The following TBC1D1 variants were observed in gnomAD, a reference collection of about 807,000 sequenced individuals.
TBC1D1 encodes the protein TBC1 (tre-2/USP6, BUB2, cdc16) domain family, member 1.
Under a neutral mutation model 125.6 loss-of-function variants are expected in TBC1D1, and 89 were observed. The observed-to-expected ratio is 0.71, with a 90% CI of 0.60 to 0.85. The LOEUF (loss-of-function observed/expected upper bound fraction) is 0.85, where lower values mean the gene tolerates loss of function less well. Ranked by LOEUF, TBC1D1 falls within the 40% of genes least tolerant of loss-of-function variation. The pLI, the probability that TBC1D1 is intolerant of heterozygous loss-of-function variation, is 0.00. For missense variants in TBC1D1, 1,377 were observed against 1,469.2 expected (o/e 0.94, Z 1.03); for synonymous variants, 565 against 564.1 (o/e 1.00, Z -0.02).
At chr4:38,067,430 A>T (rs186379757) in intron 12 of TBC1D1, among the ~76,000 whole-genome samples, 19 of 152,338 alleles carry the variant, frequency 1.2e-4, no homozygotes, top group African/African-American at 4.6e-4. Context: ...TTGCAGCAGC[A>T]TCTTCCTCAA....
chr4:38,075,951 T>G lies in TBC1D1; in HGVS notation c.2051-13981T>G, dbSNP rs184694839. Reference sequence around the variant, plus strand: ...TCATTCTACTAAATGTCTAACCAGCTCTTCTCTGTAAATTACAGAGCTGTG... The same window carrying G: ...TCATTCTACTAAATGTCTAACCAGCGCTTCTCTGTAAATTACAGAGCTGTG... On this transcript the variant is annotated intron_variant, in intron 12 of 19. Transcript: ENST00000261439. Among the ~76,000 whole-genome samples the G allele has an allele frequency of 9.2e-5, 14 of 152,310 alleles. No homozygotes were observed. The East Asian group carries it at 2.7e-3, about 29-fold the overall frequency.
At chr4:37,900,145 AG>A (rs1479514185) in intron 1 of TBC1D1, among the ~76,000 whole-genome samples, 3 of 150,706 alleles carry the variant, frequency 2.0e-5, no homozygotes, top group Non-Finnish European at 1.5e-5. Flanking sequence ...AAAAAAAAAA[AG>A]TAAGGAAGGT....
At chr4:38,035,121 AGGG>A (rs1398266270) in intron 7 of TBC1D1, among the ~76,000 whole-genome samples, 6 of 152,348 alleles carry the variant, frequency 3.9e-5, no homozygotes, top group Admixed American at 3.9e-4. Flanking sequence ...TTTGTATGGA[AGGG>A]GGTGCCCCAT....
At position 38,118,157 on chromosome 4, in the gene TBC1D1, C is replaced by T; in HGVS notation, c.2927C>T (p.Ser976Leu). The T allele has an allele frequency of 6.2e-7, 1 of 1,614,238 alleles. No individual in the cohort carries two copies. The highest frequency in any genetic ancestry group is 1.1e-5 in the South Asian group (1 of 91,078). ...CCCTGGTTCCTCACCATGTTTGCCT[C>T]ACAGTTCCCGCTGGGATTCGTAGCC... is the stretch of plus-strand genomic sequence containing the variant. Residue 976 changes from serine (S) to leucine (L), a missense_variant, in exon 17 of 20, where the codon TCA becomes TTA. Around this residue, in one of 3 missense-constraint regions of TBC1D1, gnomAD observed 543 missense variants for 613.5 expected, o/e 0.89. Coordinates refer to ENST00000261439, the MANE Select transcript of TBC1D1 (RefSeq NM_015173.4).
chr4:37,937,620 T>G lies in TBC1D1; in HGVS notation c.417+35108T>G, dbSNP rs1724660035. Among the ~76,000 whole-genome samples the G allele has an allele frequency of 2.0e-5, 3 of 152,168 alleles. No homozygotes were observed. In the South Asian group the frequency reaches 6.2e-4, roughly 32 times the overall value. On this transcript the variant is annotated intron_variant, in intron 2 of 19. Coordinates refer to ENST00000261439, the MANE Select transcript of TBC1D1 (RefSeq NM_015173.4). ...TGTGCAGTTTATGAAACAATAAGAA[T>G]TGTTTCATCAAGAAACAATAATTAC... is the stretch of plus-strand genomic sequence containing the variant.
intron 13 of TBC1D1, among the ~76,000 whole-genome samples, chr4:38,094,663 C>T (rs1560777750): frequency 6.6e-6 from 1 of 152,104 alleles, no homozygotes; most frequent in South Asian, 2.1e-4. Flanking sequence ...GAAGTTGTGT[C>T]GACTACAGAG....
At chr4:37,935,441 C>A (rs1178416975) in intron 2 of TBC1D1, among the ~76,000 whole-genome samples, 1 of 152,196 alleles carries the variant, frequency 6.6e-6, no homozygotes, top group East Asian at 1.9e-4. Flanking sequence ...TCGTCTTTGA[C>A]TTTTTGCTCT....
chr4:38,077,091 C>T (rs903635844), intron 12 of TBC1D1, among the ~76,000 whole-genome samples: 1 of 152,156 alleles, frequency 6.6e-6, no homozygotes, highest in South Asian at 2.1e-4. Flanking sequence ...CCTTTGTCAT[C>T]ACATCATCAG....
intron 2 of TBC1D1, among the ~76,000 whole-genome samples, chr4:37,909,582 A>C (rs1182377282): frequency 2.0e-5 from 3 of 152,142 alleles, no homozygotes; most frequent in Non-Finnish European, 2.9e-5. Context: ...ACAGAGCTAG[A>C]GCATTTTGTT....
At position 38,027,826 on chromosome 4, in the gene TBC1D1, C is replaced by T; in HGVS notation, c.1249C>T (p.His417Tyr). The T allele has an allele frequency of 6.2e-7, 1 of 1,613,540 alleles. No individual in the cohort carries two copies. Among genetic ancestry groups the T allele is most frequent in the Non-Finnish European group, 8.5e-7 (1 of 1,179,790 alleles). The change falls in exon 7 of 20, where the codon CAC becomes TAC. Residue 417 changes from histidine to tyrosine, a missense_variant. His to Tyr is a moderately conservative substitution (Grantham distance 83). Coordinates refer to ENST00000261439, the MANE Select transcript of TBC1D1 (RefSeq NM_015173.4). ...CAAAACAAAACTAGAACTGCAAAAG[C>T]ACCTGACGACATTAACCAATCAGGA...
intron 2 of TBC1D1, among the ~76,000 whole-genome samples, chr4:37,938,070 A>C (rs1449602169): frequency 6.6e-6 from 1 of 152,114 alleles, no homozygotes; most frequent in East Asian, 1.9e-4. Flanking sequence ...TCTTGTAGAG[A>C]GTTCTGCTCT....
chr4:37,930,682 C>T (rs1315824830), intron 2 of TBC1D1, among the ~76,000 whole-genome samples: 1 of 152,158 alleles, frequency 6.6e-6, no homozygotes, highest in Non-Finnish European at 1.5e-5. Flanking sequence ...CCTTGAAATG[C>T]TGTGTTCTGT....
chr4:37,939,934 T>C (rs532636091), intron 2 of TBC1D1, among the ~76,000 whole-genome samples: 181 of 152,364 alleles, frequency 1.2e-3, no homozygotes, highest in Non-Finnish European at 2.3e-3. Context: ...AGCCTTGTAG[T>C]ACAGTTTGAA....
chr4:37,928,115 A>G (rs1414729098), intron 2 of TBC1D1, among the ~76,000 whole-genome samples: 6 of 152,192 alleles, frequency 3.9e-5, no homozygotes, highest in Non-Finnish European at 7.3e-5. Flanking sequence ...TAGTATCACT[A>G]TCTTGGGTTT....
At position 38,136,258 on chromosome 4, in the gene TBC1D1, T is replaced by C. The variant is rs1766592140; in HGVS notation, c.3307-877T>C. On this transcript the variant is annotated intron_variant, in intron 19 of 19. Coordinates refer to ENST00000261439, the MANE Select transcript of TBC1D1 (RefSeq NM_015173.4). ...CCTGGAAGTTCTATTTAACTAGCAT[T>C]AATTATGTGCTAGGTGCTGAGGATG... Among the ~76,000 whole-genome samples the C allele has an allele frequency of 2.0e-5, 3 of 152,186 alleles. No homozygotes were observed. In the South Asian group the frequency reaches 6.2e-4, roughly 31 times the overall value.
At chr4:38,080,523 C>T (rs149585673) in intron 12 of TBC1D1, among the ~76,000 whole-genome samples, 7 of 152,332 alleles carry the variant, frequency 4.6e-5, no homozygotes, top group African/African-American at 9.6e-5. Context: ...CGCTGGGCCC[C>T]GTGGGGAACT....
At chr4:38,106,795 G>A (rs1455053043) in intron 15 of TBC1D1, among the ~76,000 whole-genome samples, 2 of 152,174 alleles carry the variant, frequency 1.3e-5, no homozygotes, top group East Asian at 3.9e-4. Flanking sequence ...TCAGAACAAG[G>A]GCCTCGGCGT....
intron 14 of TBC1D1, among the ~76,000 whole-genome samples, chr4:38,102,360 T>G (rs1760507819): frequency 6.6e-6 from 1 of 152,208 alleles, no homozygotes. Context: ...TACTTGGCTT[T>G]ATTTCCCTAG....
rs1578125222 is a variant in TBC1D1 at position 37,977,442 on chromosome 4, G to T, written c.418-37067G>T. 2 of 978,768 alleles carry T rather than the reference G, an allele frequency of 2.0e-6. No individual in the cohort carries two copies. The highest frequency in any genetic ancestry group is 2.4e-6 in the Non-Finnish European group (2 of 822,686). 60.6% of individuals were successfully genotyped at this position (978,768 alleles called of 1,614,324 possible). On this transcript the variant is annotated intron_variant, in intron 2 of 19. Coordinates refer to ENST00000261439, the MANE Select transcript of TBC1D1 (RefSeq NM_015173.4). The surrounding 1 kb of genome is among the most constrained non-coding windows in gnomAD (Gnocchi z 4.3). ...CGCCCCCGGCCGCCCGCGGGCCCAC[G>T]GGCCGGCGGCGGGAGTGAGCGGGAG...
Sources: allele counts gnomAD v4.1 joint callset (sites outside exome capture counted in the v4.1 genomes callset), GRCh38; gene constraint gnomAD v4.1.1; regional missense constraint gnomAD v4.1.1; non-coding constraint Gnocchi (gnomAD v3.1); transcripts MANE v1.5; gene names NCBI Gene and HGNC (gene_info 2026-07-23, HGNC 2026-07-21).